Variants in STX18 observed in about 807,000 individuals in gnomAD.
STX18 encodes the protein syntaxin-18.
STX18 carries 40 observed loss-of-function variants against 50.1 expected under a neutral mutation model. The ratio of observed to expected loss-of-function variants is 0.80; its 90% CI spans 0.62 to 1.04. The LOEUF is 1.04. Among genes scored for constraint, STX18 ranks in the 50% least tolerant of loss-of-function variants. STX18 has a pLI of 0.00. For synonymous variants in STX18, 158 were observed against 151.8 expected, an observed-to-expected ratio of 1.04 and a Z score of -0.30; for missense variants, 410 against 415.8, an observed-to-expected ratio of 0.99 and a Z score of 0.12.
intron 1 of STX18, among the ~76,000 whole-genome samples, chr4:4,538,359 C>T (rs1731437232): frequency 6.6e-6 from 1 of 152,182 alleles, no homozygotes; most frequent in Non-Finnish European, 1.5e-5. Flanking sequence ...GAAAGAGTTT[C>T]ACCTTGGCAA....
intron 1 of STX18, among the ~76,000 whole-genome samples, chr4:4,477,256 C>T (rs559461617): frequency 2.6e-5 from 4 of 152,074 alleles, no homozygotes; most frequent in East Asian, 3.9e-4. Flanking sequence ...CAAAACAAAA[C>T]GAAACAAAAC....
At chr4:4,510,580 T>C (rs576444796) in intron 1 of STX18, among the ~76,000 whole-genome samples, 1 of 152,230 alleles carries the variant, frequency 6.6e-6, no homozygotes, top group Non-Finnish European at 1.5e-5. Context: ...TCAACCATTG[T>C]GGAATACAGT....
chr4:4,420,398 G>A lies in STX18; in HGVS notation c.913-269C>T. 2.1e-6 allele frequency: 1 copy of A among 470,182 alleles called. No individual in the cohort carries two copies. The highest frequency in any genetic ancestry group is 3.9e-6 in the Non-Finnish European group (1 of 258,484). 29.1% of individuals were successfully genotyped at this position (470,182 alleles called of 1,614,324 possible). A position where few individuals can be genotyped will look rare whatever the true frequency, so the allele number is the denominator to read the frequency against. On this transcript the variant is annotated intron_variant, in intron 10 of 10. Coordinates refer to ENST00000306200, the MANE Select transcript of STX18 (RefSeq NM_016930.4). This position sits in a 1 kb window ranked among gnomAD's most constrained non-coding sequence, Gnocchi z 4.3. ...CACTCCCTTCTGTCCCAGGGTTAAG[G>A]GCCCCGAGCAGAGTGTGACCGCAAG...
chr4:4,529,663 A>G (rs1731000148), intron 1 of STX18, among the ~76,000 whole-genome samples: 1 of 152,190 alleles, frequency 6.6e-6, no homozygotes, highest in Admixed American at 6.5e-5. Flanking sequence ...CACAGCACAC[A>G]CGTGCCAGGA....
chr4:4,485,413 G>A (rs1328081720), intron 1 of STX18, among the ~76,000 whole-genome samples: 2 of 152,174 alleles, frequency 1.3e-5, no homozygotes, highest in African/African-American at 4.8e-5. Flanking sequence ...AAGGCCACAA[G>A]GCCACTCTGG....
intron 5 of STX18, among the ~76,000 whole-genome samples, chr4:4,451,803 G>A (rs750640681): frequency 1.3e-5 from 2 of 152,116 alleles, no homozygotes; most frequent in Non-Finnish European, 2.9e-5. Flanking sequence ...ACATAACACA[G>A]GCCAATGAAT....
rs879049430 is a variant in STX18 at position 4,507,815 on chromosome 4, TAAAAAAA to T, written c.168+33975_168+33981del. The stretch of plus-strand genomic sequence containing the variant: ...ATGACTAAATAAAATATATTCACAG[TAAAAAAA>T]AAAAAAAAAAAAAAAGTTAAAAAGC... On this transcript the variant is annotated intron_variant, in intron 1 of 10. Coordinates refer to ENST00000306200, the MANE Select transcript of STX18 (RefSeq NM_016930.4). 687 of 219,278 alleles carry T rather than the reference TAAAAAAA, an allele frequency of 3.1e-3. 4 individuals are homozygous for T. The highest frequency in any genetic ancestry group is 0.023 in the African/African-American group (622 of 27,432). 13.6% of individuals were successfully genotyped at this position (219,278 alleles called of 1,614,324 possible). A position where few individuals can be genotyped will look rare whatever the true frequency, so the allele number is the denominator to read the frequency against.
chr4:4,507,815 T>A (rs1487453092), intron 1 of STX18: 334 of 219,140 alleles, frequency 1.5e-3, no homozygotes, highest in African/African-American at 2.8e-3. Flanking sequence ...ATATTCACAG[T>A]AAAAAAAAAA....
chr4:4,439,312 A>G (rs994914354), intron 5 of STX18, among the ~76,000 whole-genome samples: 1 of 150,122 alleles, frequency 6.7e-6, no homozygotes, highest in East Asian at 2.0e-4. Context: ...ACCCACACAT[A>G]TACACATACC....
intron 8 of STX18, 149 bp from the exon 9 acceptor site, chr4:4,423,736 G>A: frequency 1.4e-6 from 1 of 740,734 alleles, no homozygotes; most frequent in African/African-American, 1.8e-5. Context: ...GGAGATGGGA[G>A]AGGAAGGCGA....
intron 5 of STX18, among the ~76,000 whole-genome samples, chr4:4,452,807 T>C (rs1726831118): frequency 6.6e-6 from 1 of 152,226 alleles, no homozygotes; most frequent in Admixed American, 6.5e-5. Flanking sequence ...TTTCACCATC[T>C]TAGACGCCAT....
chr4:4,526,409 C>G (rs1730760779), intron 1 of STX18, among the ~76,000 whole-genome samples: 1 of 152,016 alleles, frequency 6.6e-6, no homozygotes, highest in Admixed American at 6.6e-5. Context: ...GGATAGAGGA[C>G]AGGAAAAGGG....
intron 1 of STX18, among the ~76,000 whole-genome samples, chr4:4,500,244 T>C (rs1729374174): frequency 6.6e-6 from 1 of 152,212 alleles, no homozygotes; most frequent in Non-Finnish European, 1.5e-5. Flanking sequence ...TAATAATATA[T>C]GCTTTTCCAT....
At chr4:4,527,884 A>C (rs964020521) in intron 1 of STX18, among the ~76,000 whole-genome samples, 1 of 149,738 alleles carries the variant, frequency 6.7e-6, no homozygotes, top group Non-Finnish European at 1.5e-5. Flanking sequence ...ATATATATTA[A>C]AAACTACCTT....
At chr4:4,511,625 C>T (rs10024586) in intron 1 of STX18, among the ~76,000 whole-genome samples, 14 of 151,422 alleles carry the variant, frequency 9.2e-5, no homozygotes, top group African/African-American at 2.7e-4. Context: ...TGGGTGATGG[C>T]GTATTTGTAT....
At chr4:4,470,012 G>C (rs1268225183) in intron 2 of STX18, among the ~76,000 whole-genome samples, 2 of 152,120 alleles carry the variant, frequency 1.3e-5, no homozygotes, top group Non-Finnish European at 2.9e-5. Context: ...TCTTTCCATA[G>C]GACCTATGAC....
At chr4:4,425,364 C>T in intron 7 of STX18, 142 bp from the exon 8 acceptor site, 1 of 720,288 alleles carries the variant, frequency 1.4e-6, no homozygotes. Context: ...TGCTGGACGA[C>T]CGTTAGCATT....
At position 4,419,882 on chromosome 4, in the gene STX18, TGGGGAATACG is replaced by T; in HGVS notation, c.*142_*151del. 3 of 665,830 alleles carry T rather than the reference TGGGGAATACG, an allele frequency of 4.5e-6. No homozygotes were observed. The highest frequency in any genetic ancestry group is 5.4e-5 in the Admixed American group (2 of 37,090). The allele number at this position is 665,830 out of a possible 1,614,324, so 41.2% of individuals were successfully genotyped here. The stretch of plus-strand genomic sequence containing the variant: ...ACCATCGGCCTGGGGTATCCCTTTT[TGGGGAATACG>T]TCTGTCTGTCTGAACTCCTTTCCCT... On this transcript the variant is annotated 3_prime_UTR_variant, in exon 11 of 11. Coordinates refer to ENST00000306200, the MANE Select transcript of STX18 (RefSeq NM_016930.4).
intron 1 of STX18, among the ~76,000 whole-genome samples, chr4:4,483,440 C>T (rs528754893): frequency 1.3e-5 from 2 of 152,328 alleles, no homozygotes; most frequent in South Asian, 4.1e-4. Flanking sequence ...GCACTCAACT[C>T]TTCCTCCTCA....
Sources: allele counts gnomAD v4.1 joint callset (sites outside exome capture counted in the v4.1 genomes callset), GRCh38; gene constraint gnomAD v4.1.1; non-coding constraint Gnocchi (gnomAD v3.1); transcripts MANE v1.5; gene names NCBI Gene and HGNC (gene_info 2026-07-23, HGNC 2026-07-21).